GRID2: variants seen among roughly 807,000 people sequenced by gnomAD.
GRID2 encodes glutamate receptor ionotropic, delta-2.
A neutral mutation model predicts 114.8 loss-of-function variants in GRID2; 33 were observed. That is an observed-to-expected ratio of 0.29 (90% CI 0.22 to 0.38). The LOEUF is 0.38. GRID2 is among the 10% of genes least tolerant of loss of function. The pLI, the probability that GRID2 is intolerant of heterozygous loss-of-function variation, is 1.00. For missense variants in GRID2, 1,184 were observed against 1,257.7 expected, an observed-to-expected ratio of 0.94 and a Z score of 0.89; for synonymous variants, 505 against 449.9, an observed-to-expected ratio of 1.12 and a Z score of -1.55.
chr4:93,550,308 A>T (rs528141050), intron 13 of GRID2, among the ~76,000 whole-genome samples: 29 of 152,252 alleles, frequency 1.9e-4, no homozygotes, highest in South Asian at 8.3e-4. Context: ...AGATACAAAC[A>T]CACCTCTCAT....
chr4:93,713,447 T>G (rs1319894730), intron 14 of GRID2, among the ~76,000 whole-genome samples: 1 of 151,660 alleles, frequency 6.6e-6, no homozygotes, highest in Non-Finnish European at 1.5e-5. Flanking sequence ...ATTTATTTAT[T>G]TATTTATTTA....
intron 1 of GRID2, among the ~76,000 whole-genome samples, chr4:92,502,963 A>G (rs958879385): frequency 3.3e-5 from 5 of 151,980 alleles, no homozygotes; most frequent in African/African-American, 1.2e-4. Context: ...TGATCAGCCC[A>G]CCTTAGCTTC....
intron 8 of GRID2, among the ~76,000 whole-genome samples, chr4:93,355,361 T>C (rs1204723964): frequency 6.6e-6 from 1 of 152,036 alleles, no homozygotes; most frequent in Non-Finnish European, 1.5e-5. Context: ...ACTTGTGTGA[T>C]TGGCAGTTAA....
intron 1 of GRID2, among the ~76,000 whole-genome samples, chr4:92,316,906 C>T (rs567971835): frequency 3.9e-5 from 6 of 152,116 alleles, no homozygotes; most frequent in Non-Finnish European, 8.8e-5. Flanking sequence ...AAAGTAAATA[C>T]AATCATGCCA....
rs6844997 is a variant in GRID2 at position 93,316,339 on chromosome 4, A to T, written c.1245+77849A>T. 5.5e-5 allele frequency among the ~76,000 whole-genome samples: 3 copies of T among 54,960 alleles called. 1 individual carries two copies. The highest frequency in any genetic ancestry group is 1.8e-4 in the African/African-American group (3 of 16,750). The allele number at this position is 54,960 out of a possible 152,430, so 36.1% of individuals were successfully genotyped here. A position where few individuals can be genotyped will look rare whatever the true frequency, so the allele number is the denominator to read the frequency against. On this transcript the variant is annotated intron_variant, in intron 8 of 15. Coordinates refer to ENST00000282020, the MANE Select transcript of GRID2 (RefSeq NM_001510.4). Reference sequence around the variant, plus strand: ...AAGAAAGAAAGAAAGAAAGAAAGAAAGAAGGAAGGAAGGAAGGAAGGAAAA... The same window carrying T: ...AAGAAAGAAAGAAAGAAAGAAAGAATGAAGGAAGGAAGGAAGGAAGGAAAA...
chr4:92,972,640 G>C (rs1291648465), intron 2 of GRID2, among the ~76,000 whole-genome samples: 1 of 151,804 alleles, frequency 6.6e-6, no homozygotes. Context: ...AGGGGTGCAA[G>C]TTCAGGTTTG....
Position 92,578,113 on chromosome 4 carries a change from CTTTTTCTTATTATTA to C in GRID2, c.89-12015_89-12001del, listed in dbSNP as rs1425810514. On this transcript the variant is annotated intron_variant, in intron 1 of 15. Transcript: ENST00000282020. ...TCTTCTTCTTCTTCTTCTTCTTCTTCTTTTTCTTATTATTATTATTACACTTTAAGTTTTAGGGTA... is the reference window on the plus strand; with the variant it reads ...TCTTCTTCTTCTTCTTCTTCTTCTTCTTATTACACTTTAAGTTTTAGGGTA... 4.0e-4 allele frequency among the ~76,000 whole-genome samples: 37 copies of C among 92,530 alleles called. 1 individual carries two copies. Among genetic ancestry groups the C allele is most frequent in the Admixed American group, 1.3e-3 (10 of 7,832 alleles). The allele number at this position is 92,530 out of a possible 152,430, so 60.7% of individuals were successfully genotyped here.
At chr4:93,555,015 T>A (rs2149550768) in intron 13 of GRID2, among the ~76,000 whole-genome samples, 1 of 152,158 alleles carries the variant, frequency 6.6e-6, no homozygotes, top group Non-Finnish European at 1.5e-5. Context: ...ATCGGAGAAC[T>A]CCCTCACCTA....
At chr4:92,881,523 A>G (rs1173454555) in intron 2 of GRID2, among the ~76,000 whole-genome samples, 1 of 152,164 alleles carries the variant, frequency 6.6e-6, no homozygotes, top group African/African-American at 2.4e-5. Context: ...TCCTGACCCA[A>G]TAATTGATTT....
intron 2 of GRID2, among the ~76,000 whole-genome samples, chr4:93,006,072 T>G (rs1721489821): frequency 1.3e-5 from 2 of 152,094 alleles, no homozygotes. Context: ...CGTCTTAAAA[T>G]ATCACCTCTC....
chr4:92,816,188 G>A (rs896759855), intron 2 of GRID2, among the ~76,000 whole-genome samples: 1 of 150,512 alleles, frequency 6.6e-6, no homozygotes, highest in African/African-American at 2.4e-5. Flanking sequence ...GGTGGCACAT[G>A]CGTGCAATCC....
intron 1 of GRID2, among the ~76,000 whole-genome samples, chr4:92,350,389 T>C (rs1324015061): frequency 6.6e-6 from 1 of 151,858 alleles, no homozygotes; most frequent in East Asian, 1.9e-4. Context: ...AGATAGATAG[T>C]GTGCTCTTCA....
At chr4:93,411,283 C>A (rs1445559930) in intron 9 of GRID2, among the ~76,000 whole-genome samples, 1 of 152,042 alleles carries the variant, frequency 6.6e-6, no homozygotes. Flanking sequence ...TTAAAGTACC[C>A]AGCACATACT....
intron 1 of GRID2, among the ~76,000 whole-genome samples, chr4:92,565,191 A>G (rs1393516168): frequency 6.6e-6 from 1 of 152,142 alleles, no homozygotes; most frequent in Non-Finnish European, 1.5e-5. Flanking sequence ...GAATTTTGAT[A>G]ATATGTTGTA....
intron 3 of GRID2, among the ~76,000 whole-genome samples, chr4:93,098,062 G>T (rs1172911477): frequency 2.6e-5 from 4 of 151,922 alleles, no homozygotes; most frequent in African/African-American, 7.2e-5. Context: ...CTCTGTATGA[G>T]AAGATAAGAC....
At chr4:92,711,720 T>C (rs543194265) in intron 2 of GRID2, among the ~76,000 whole-genome samples, 1 of 152,010 alleles carries the variant, frequency 6.6e-6, no homozygotes, top group South Asian at 2.1e-4. Context: ...CTGGGCAACA[T>C]AGTAAAACTC....
chr4:93,801,488 T>C (rs1734927822), intron 1 of GRID2, among the ~76,000 whole-genome samples: 3 of 152,056 alleles, frequency 2.0e-5, no homozygotes, highest in Admixed American at 2.0e-4. Context: ...GACTTCTAAA[T>C]AAAATATAAC....
At chr4:92,320,319 A>G (rs2110125552) in intron 1 of GRID2, among the ~76,000 whole-genome samples, 1 of 152,280 alleles carries the variant, frequency 6.6e-6, no homozygotes, top group South Asian at 2.1e-4. Context: ...CAACGTTAAT[A>G]GTGTCATTTC....
chr4:92,304,589 T>A lies in GRID2; in HGVS notation c.-68T>A. The A allele has an allele frequency of 2.9e-6, 3 of 1,045,310 alleles. No individual in the cohort carries two copies. The South Asian group carries it at 3.8e-5, about 13-fold the overall frequency. The allele number at this position is 1,045,310 out of a possible 1,614,324, so 64.8% of individuals were successfully genotyped here. ...TAAACTCCACCGTGACCTCAAACTCTTTGGACTGTTTGAAAAAAAAAAAAT... is the reference window on the plus strand; with the variant it reads ...TAAACTCCACCGTGACCTCAAACTCATTGGACTGTTTGAAAAAAAAAAAAT... On this transcript the variant is annotated 5_prime_UTR_variant, in exon 1 of 16. Coordinates refer to ENST00000282020, the MANE Select transcript of GRID2 (RefSeq NM_001510.4).
Sources: allele counts gnomAD v4.1 joint callset (sites outside exome capture counted in the v4.1 genomes callset), GRCh38; gene constraint gnomAD v4.1.1; transcripts MANE v1.5; gene names NCBI Gene and HGNC (gene_info 2026-07-23, HGNC 2026-07-21).